The following IGFBP7 variants were observed in gnomAD, a reference collection of about 807,000 sequenced individuals.
IGFBP7 encodes insulin-like growth factor-binding protein 7.
IGFBP7 carries 31 observed loss-of-function variants against 29.4 expected under a neutral mutation model. That is an observed-to-expected ratio of 1.05 (90% confidence interval 0.79 to 1.42). IGFBP7 has a LOEUF of 1.42. Ranked by LOEUF, IGFBP7 falls within the 40% of genes most tolerant of loss-of-function variation. The probability of loss-of-function intolerance (pLI) is 0.00; values close to 1 mark genes in which losing one functional copy is unlikely to be tolerated. For missense variants in IGFBP7, 393 were observed against 395.5 expected (o/e 0.99, Z 0.05); for synonymous variants, 172 against 174.9 (o/e 0.98, Z 0.13).
At chr4:57,070,452 A>G (rs940425618) in intron 1 of IGFBP7, among the ~76,000 whole-genome samples, 14 of 152,234 alleles carry the variant, frequency 9.2e-5, no homozygotes, top group African/African-American at 3.4e-4. Context: ...TGGCTAACAA[A>G]TAAAAAAAGT....
intron 1 of IGFBP7, among the ~76,000 whole-genome samples, chr4:57,048,676 T>G (rs191464497): frequency 1.1e-3 from 167 of 152,318 alleles, no homozygotes; most frequent in African/African-American, 3.8e-3. Flanking sequence ...TGTGTTATCC[T>G]ATAAAAAGCA....
intron 1 of IGFBP7, chr4:57,072,875 A>G (rs1018111125): frequency 3.1e-6 from 2 of 654,786 alleles, no homozygotes; most frequent in Non-Finnish European, 5.8e-6. Context: ...CAATGTACCC[A>G]TGGTGAAGTT....
intron 3 of IGFBP7, 37 bp from the exon 4 acceptor site, chr4:57,032,589 G>T: frequency 6.6e-7 from 1 of 1,521,694 alleles, no homozygotes; most frequent in Non-Finnish European, 9.1e-7. Flanking sequence ...CCTCTGTGGT[G>T]GTCTTCTCTT....
intron 1 of IGFBP7, among the ~76,000 whole-genome samples, chr4:57,079,786 A>G (rs186995263): frequency 3.9e-5 from 6 of 152,336 alleles, no homozygotes; most frequent in African/African-American, 1.4e-4. Flanking sequence ...CTCATTAATA[A>G]TTGTTAATAA....
intron 1 of IGFBP7, among the ~76,000 whole-genome samples, chr4:57,063,621 C>G (rs1447375398): frequency 6.6e-6 from 1 of 152,194 alleles, no homozygotes; most frequent in Non-Finnish European, 1.5e-5. Flanking sequence ...CTAGCTATGA[C>G]TACTTTTATT....
intron 1 of IGFBP7, among the ~76,000 whole-genome samples, chr4:57,073,873 G>A (rs770363974): frequency 3.9e-5 from 6 of 152,084 alleles, no homozygotes; most frequent in Non-Finnish European, 8.8e-5. Flanking sequence ...GGAGTTGATC[G>A]GGAGTGATCA....
intron 1 of IGFBP7, among the ~76,000 whole-genome samples, chr4:57,105,526 G>T (rs904547215): frequency 6.6e-6 from 1 of 152,150 alleles, no homozygotes; most frequent in Non-Finnish European, 1.5e-5. Context: ...GTTCATCCAC[G>T]CTTTCTATGG....
chr4:57,071,319 T>A (rs17787988), intron 1 of IGFBP7, among the ~76,000 whole-genome samples: 1 of 152,114 alleles, frequency 6.6e-6, no homozygotes, highest in Non-Finnish European at 1.5e-5. Context: ...TACATACATC[T>A]CAGCAAGTCA....
chr4:57,073,192 C>T, intron 1 of IGFBP7: 2 of 1,246,762 alleles, frequency 1.6e-6, no homozygotes, highest in Middle Eastern at 2.1e-4. Context: ...ATGGTCTGTC[C>T]TTTCTGTGAT....
At chr4:57,064,159 T>C (rs1560498511) in intron 1 of IGFBP7, among the ~76,000 whole-genome samples, 1 of 152,116 alleles carries the variant, frequency 6.6e-6, no homozygotes, top group Non-Finnish European at 1.5e-5. Flanking sequence ...GGCAACACGG[T>C]GAAACCCCAT....
rs564441132 is a variant in IGFBP7 at position 57,041,520 on chromosome 4, T to G, written c.476-587A>C. Among the ~76,000 whole-genome samples, 22 of 152,108 alleles carry G rather than the reference T, an allele frequency of 1.4e-4. No homozygotes were observed. In the East Asian group the frequency reaches 4.3e-3, roughly 29 times the overall value. Reference sequence around the variant, plus strand: ...GCGTCAGGGGATTGGAAGGGACATCTTTATTTTTAATTTAATTTTATTATT... The same window carrying G: ...GCGTCAGGGGATTGGAAGGGACATCGTTATTTTTAATTTAATTTTATTATT... On this transcript the variant is annotated intron_variant, in intron 1 of 4. Transcript: ENST00000295666.
chr4:57,056,153 T>C (rs571551288), intron 1 of IGFBP7, among the ~76,000 whole-genome samples: 60 of 152,112 alleles, frequency 3.9e-4, no homozygotes, highest in Non-Finnish European at 7.9e-4. Flanking sequence ...CTCTGGTCAT[T>C]TTCTGAGCCG....
At chr4:57,103,841 T>A (rs1455703555) in intron 1 of IGFBP7, among the ~76,000 whole-genome samples, 1 of 151,714 alleles carries the variant, frequency 6.6e-6, no homozygotes, top group African/African-American at 2.4e-5. Flanking sequence ...TTATTTTTTT[T>A]ATAGAGACGA....
chr4:57,037,651 C>T (rs1245155090), intron 2 of IGFBP7, among the ~76,000 whole-genome samples: 2 of 152,088 alleles, frequency 1.3e-5, no homozygotes, highest in African/African-American at 4.8e-5. Context: ...CCGAGGCAGA[C>T]GTATTCCTCT....
At chr4:57,034,972 A>G (rs930663222) in intron 2 of IGFBP7, among the ~76,000 whole-genome samples, 5 of 152,244 alleles carry the variant, frequency 3.3e-5, no homozygotes, top group African/African-American at 1.2e-4. Flanking sequence ...CAGCTTTTGA[A>G]ATAGTTACTT....
At chr4:57,087,686 A>G (rs1215213060) in intron 1 of IGFBP7, among the ~76,000 whole-genome samples, 1 of 152,252 alleles carries the variant, frequency 6.6e-6, no homozygotes, top group Non-Finnish European at 1.5e-5. Flanking sequence ...AGGGAATACA[A>G]TCTTGGATTC....
chr4:57,031,000 G>T lies in IGFBP7; in HGVS notation c.*317C>A. 1 of 1,445,050 alleles carries T rather than the reference G, an allele frequency of 6.9e-7. No individual in the cohort carries two copies. The highest frequency in any genetic ancestry group is 9.7e-7 in the Non-Finnish European group (1 of 1,025,916). The allele number at this position is 1,445,050 out of a possible 1,614,324, so 89.5% of individuals were successfully genotyped here. A position where few individuals can be genotyped will look rare whatever the true frequency, so the allele number is the denominator to read the frequency against. On this transcript the variant is annotated 3_prime_UTR_variant, in exon 5 of 5. Coordinates refer to ENST00000295666, the MANE Select transcript of IGFBP7 (RefSeq NM_001553.3). The stretch of plus-strand genomic sequence containing the variant: ...TGATGAGTGTTTAGCTATTTTACAG[G>T]AGTCAACAAGATAATTAAATATCTT...
intron 2 of IGFBP7, among the ~76,000 whole-genome samples, chr4:57,034,492 T>G (rs1290698795): frequency 2.6e-5 from 4 of 152,054 alleles, no homozygotes; most frequent in Non-Finnish European, 1.5e-5. Flanking sequence ...TTTCATTTTC[T>G]TCTATAATAA....
intron 1 of IGFBP7, among the ~76,000 whole-genome samples, chr4:57,054,416 C>T (rs11726223): frequency 0.44 from 66,392 of 151,700 alleles, 14,761 homozygotes; most frequent in Middle Eastern, 0.47. Context: ...GGGCAGATCA[C>T]GAGGTCAGGA....
Sources: allele counts gnomAD v4.1 joint callset (sites outside exome capture counted in the v4.1 genomes callset), GRCh38; gene constraint gnomAD v4.1.1; transcripts MANE v1.5; gene names NCBI Gene and HGNC (gene_info 2026-07-23, HGNC 2026-07-21).